The following STAU2 variants were observed in gnomAD, a reference collection of about 807,000 sequenced individuals.
STAU2 encodes the protein double-stranded RNA-binding protein Staufen homolog 2.
In STAU2, 20 loss-of-function variants were observed where a neutral mutation model predicts 65.9. The observed-to-expected ratio is 0.30, with a 90% confidence interval of 0.21 to 0.44. STAU2 has a LOEUF of 0.44. Among genes scored for constraint, STAU2 ranks in the 20% least tolerant of loss-of-function variants. STAU2 has a pLI of 1.00. For synonymous variants in STAU2, 232 were observed against 233.9 expected (o/e 0.99, Z 0.07); for missense variants, 558 against 683.9 (o/e 0.82, Z 2.05).
intron 3 of STAU2, among the ~76,000 whole-genome samples, chr8:73,729,959 T>C (rs1001967174): frequency 2.0e-5 from 3 of 152,230 alleles, no homozygotes; most frequent in African/African-American, 4.8e-5. Context: ...GTCAATTTCA[T>C]TGATCTTTTC....
intron 10 of STAU2, among the ~76,000 whole-genome samples, chr8:73,602,728 CAA>C (rs59554010): frequency 1.6e-4 from 13 of 83,254 alleles, no homozygotes; most frequent in South Asian, 3.7e-4. Context: ...GTTGCCCCAC[CAA>C]AAAAAAAAAA....
chr8:73,489,745 C>G (rs1821073098), intron 13 of STAU2, among the ~76,000 whole-genome samples: 1 of 151,992 alleles, frequency 6.6e-6, no homozygotes, highest in Non-Finnish European at 1.5e-5. Context: ...TCAGATAGCT[C>G]TGAATTCAAA....
At position 73,738,353 on chromosome 8, in the gene STAU2, GA is replaced by G; in HGVS notation, c.-83-5del. 6.4e-7 allele frequency: 1 copy of G among 1,572,044 alleles called. No individual in the cohort carries two copies. Among genetic ancestry groups the G allele is most frequent in the Admixed American group, 2.1e-5 (1 of 48,648 alleles). ...GTATCCCTCACGGCTCCAAAAACTGGAAAACGAAAATGAAGAAATAAAGTTC... is the reference window on the plus strand; with the variant it reads ...GTATCCCTCACGGCTCCAAAAACTGGAAACGAAAATGAAGAAATAAAGTTC... On this transcript the variant is annotated splice_polypyrimidine_tract_variant and splice_region_variant and intron_variant, in intron 2 of 14. Transcript: ENST00000524300.
rs66633368 is a variant in STAU2 at position 73,481,515 on chromosome 8, AC to A, written c.1531-58814del. Among the ~76,000 whole-genome samples the A allele has an allele frequency of 7.1e-3, 659 of 92,322 alleles. 6 individuals carry two copies. Among genetic ancestry groups the A allele is most frequent in the African/African-American group, 0.019 (504 of 26,706 alleles). The allele number at this position is 92,322 out of a possible 152,430, so 60.6% of individuals were successfully genotyped here. On this transcript the variant is annotated intron_variant, in intron 13 of 14. Coordinates refer to ENST00000524300, the MANE Select transcript of STAU2 (RefSeq NM_001164380.2). ...CAAAATAAGCCAAAAAAACAAAAAA[AC>A]AAAAAAAAAAAACACTTTTTTTGAG...
At chr8:73,584,429 A>G (rs1810219862) in intron 11 of STAU2, among the ~76,000 whole-genome samples, 1 of 152,258 alleles carries the variant, frequency 6.6e-6, no homozygotes, top group African/African-American at 2.4e-5. Flanking sequence ...AGTGTTTTGC[A>G]TAAATATGGA....
chr8:73,420,684 A>G lies in STAU2; in HGVS notation c.*688T>C, dbSNP rs1368948088. The G allele has an allele frequency of 6.4e-6, 1 of 156,654 alleles. No individual in the cohort carries two copies. The highest frequency in any genetic ancestry group is 2.4e-5 in the African/African-American group (1 of 41,466). The allele number at this position is 156,654 out of a possible 1,614,324, so 9.7% of individuals were successfully genotyped here. A position where few individuals can be genotyped will look rare whatever the true frequency, so the allele number is the denominator to read the frequency against. Reference sequence around the variant, plus strand: ...TTGCTAAGAGTATATGGAGCTCAAAACCCACAATTGCTTTGTTTTGTTTCT... The same window carrying G: ...TTGCTAAGAGTATATGGAGCTCAAAGCCCACAATTGCTTTGTTTTGTTTCT... On this transcript the variant is annotated 3_prime_UTR_variant, in exon 15 of 15. Coordinates refer to ENST00000524300, the MANE Select transcript of STAU2 (RefSeq NM_001164380.2).
At chr8:73,460,531 G>C (rs1331511897) in intron 13 of STAU2, among the ~76,000 whole-genome samples, 1 of 152,188 alleles carries the variant, frequency 6.6e-6, no homozygotes, top group African/African-American at 2.4e-5. Flanking sequence ...GTAAAGGATG[G>C]CTAAATAATT....
At chr8:73,637,486 A>G (rs1814622604) in intron 6 of STAU2, among the ~76,000 whole-genome samples, 1 of 140,070 alleles carries the variant, frequency 7.1e-6, no homozygotes, top group African/African-American at 2.7e-5. Flanking sequence ...GTAAAAAAAA[A>G]AAAAAAAAAA....
intron 3 of STAU2, among the ~76,000 whole-genome samples, chr8:73,715,225 A>C (rs1821170111): frequency 6.6e-6 from 1 of 151,966 alleles, no homozygotes. Context: ...ATACCTGTTC[A>C]AAAGAATGTT....
At chr8:73,725,018 C>G (rs575916281) in intron 3 of STAU2, among the ~76,000 whole-genome samples, 2 of 152,072 alleles carry the variant, frequency 1.3e-5, no homozygotes, top group Non-Finnish European at 2.9e-5. Context: ...TTTTGACTTT[C>G]AATATTTTCA....
chr8:73,472,578 C>A lies in STAU2; in HGVS notation c.1531-49876G>T, dbSNP rs1241782548. Among the ~76,000 whole-genome samples the A allele has an allele frequency of 2.0e-5, 3 of 152,064 alleles. No individual in the cohort carries two copies. In the East Asian group the frequency reaches 5.8e-4, roughly 29 times the overall value. On this transcript the variant is annotated intron_variant, in intron 13 of 14. Transcript: ENST00000524300. ...TAATTACCAGCTTTACAAAAGAATT[C>A]TCTTCAAGGCTTAAGTGCCATTTAA...
intron 12 of STAU2, among the ~76,000 whole-genome samples, chr8:73,576,953 TA>T (rs1809605741): frequency 6.6e-6 from 1 of 152,326 alleles, no homozygotes; most frequent in African/African-American, 2.4e-5. Flanking sequence ...AGACTAATTT[TA>T]AACACCTTTT....
At chr8:73,661,547 G>A (rs1288620383) in intron 6 of STAU2, among the ~76,000 whole-genome samples, 1 of 152,102 alleles carries the variant, frequency 6.6e-6, no homozygotes, top group Non-Finnish European at 1.5e-5. Flanking sequence ...TCACCAAAAT[G>A]AAAATACAGA....
chr8:73,651,562 C>T (rs1414278729), intron 6 of STAU2: 1 of 840,422 alleles, frequency 1.2e-6, no homozygotes, highest in Non-Finnish European at 1.9e-6. Flanking sequence ...ACCTGCTGTG[C>T]CCTTGGGCAC....
At chr8:73,439,006 G>T (rs1024187444) in intron 13 of STAU2, 7 of 456,596 alleles carry the variant, frequency 1.5e-5, no homozygotes, top group Non-Finnish European at 3.1e-5. Context: ...CAACGTCTCC[G>T]TTTAGAAGAC....
intron 13 of STAU2, among the ~76,000 whole-genome samples, chr8:73,476,173 A>G (rs1429497127): frequency 6.6e-6 from 1 of 152,202 alleles, no homozygotes; most frequent in East Asian, 1.9e-4. Context: ...ACCTTGTCAG[A>G]GGAGCACGAA....
chr8:73,684,927 C>T (rs1470984078), intron 5 of STAU2, among the ~76,000 whole-genome samples: 3 of 152,120 alleles, frequency 2.0e-5, no homozygotes, highest in Non-Finnish European at 4.4e-5. Flanking sequence ...TTGGCTGTGT[C>T]CCCACCCAAA....
At chr8:73,513,224 T>C (rs1007842418) in intron 13 of STAU2, among the ~76,000 whole-genome samples, 2 of 152,224 alleles carry the variant, frequency 1.3e-5, no homozygotes, top group African/African-American at 2.4e-5. Context: ...ACTAAATCTG[T>C]GGAATCCATC....
At chr8:73,740,756 T>C (rs976516563) in intron 1 of STAU2, among the ~76,000 whole-genome samples, 4 of 152,012 alleles carry the variant, frequency 2.6e-5, no homozygotes, top group Non-Finnish European at 5.9e-5. Context: ...AACTCAGCAC[T>C]CCGGGAGGCC....
Sources: gnomAD v4.1 joint callset for allele counts (sites outside exome capture counted in the v4.1 genomes callset) on GRCh38, gnomAD v4.1.1 for gene constraint, MANE v1.5 for transcripts, NCBI Gene and HGNC (gene_info 2026-07-23, HGNC 2026-07-21) for gene names.